The following EPHA6 variants were observed in gnomAD, a reference collection of about 807,000 sequenced individuals.
EPHA6 encodes EPH receptor A6, also known as ephrin type-A receptor 6.
EPHA6 carries 50 observed loss-of-function variants against 112.0 expected under a neutral mutation model. That is an observed-to-expected ratio of 0.45 (90% confidence interval 0.36 to 0.56). The LOEUF (loss-of-function observed/expected upper bound fraction) is 0.56. EPHA6 is among the 20% of genes least tolerant of loss of function. The probability of loss-of-function intolerance (pLI) is 0.00; values close to 1 mark genes in which losing one functional copy is unlikely to be tolerated. For missense variants in EPHA6, 1,280 were observed against 1,417.4 expected, an observed-to-expected ratio of 0.90 and a Z score of 1.56; for synonymous variants, 529 against 490.7, an observed-to-expected ratio of 1.08 and a Z score of -1.03.
At chr3:97,351,195 G>A (rs1403557001) in intron 5 of EPHA6, among the ~76,000 whole-genome samples, 1 of 152,148 alleles carries the variant, frequency 6.6e-6, no homozygotes, top group Non-Finnish European at 1.5e-5. Context: ...TTGATACAGT[G>A]GAAATGGGCT....
chr3:97,068,647 G>C (rs2046256465), intron 3 of EPHA6, among the ~76,000 whole-genome samples: 2 of 151,746 alleles, frequency 1.3e-5, no homozygotes, highest in Admixed American at 6.6e-5. Context: ...CGTTGCAATG[G>C]ACTGAATGTT....
intron 3 of EPHA6, among the ~76,000 whole-genome samples, chr3:97,183,704 T>C (rs185942460): frequency 7.8e-4 from 119 of 152,250 alleles, no homozygotes; most frequent in African/African-American, 2.6e-3. Context: ...GTGTGTGGTG[T>C]GTGGGTGTGC....
At position 97,025,659 on chromosome 3, in the gene EPHA6, G is replaced by A. The variant is rs60167473; in HGVS notation, c.1114+37666G>A. The stretch of plus-strand genomic sequence containing the variant: ...GCTAGTGTGCAGTGGCGCGATCTCC[G>A]CTCACTGCAACCTCTGCCTCCTGGG... On this transcript the variant is annotated intron_variant, in intron 3 of 17. Transcript: ENST00000389672. Among the ~76,000 whole-genome samples, 680 of 152,186 alleles carry A rather than the reference G, an allele frequency of 4.5e-3. 6 individuals carry two copies. Among genetic ancestry groups the A allele is most frequent in the African/African-American group, 0.016 (654 of 41,542 alleles).
chr3:97,154,069 G>A (rs1160190776), intron 3 of EPHA6, among the ~76,000 whole-genome samples: 3 of 149,382 alleles, frequency 2.0e-5, no homozygotes, highest in African/African-American at 7.4e-5. Flanking sequence ...GGAGGCTGAG[G>A]CAGGAGAATC....
chr3:97,557,895 C>T (rs1007188488), intron 11 of EPHA6, among the ~76,000 whole-genome samples: 1 of 151,752 alleles, frequency 6.6e-6, no homozygotes, highest in African/African-American at 2.4e-5. Flanking sequence ...TAAGAATTCT[C>T]ATCACACATT....
At chr3:97,521,384 G>A (rs550697910) in intron 10 of EPHA6, among the ~76,000 whole-genome samples, 1 of 152,092 alleles carries the variant, frequency 6.6e-6, no homozygotes, top group Admixed American at 6.5e-5. Flanking sequence ...ATTCATAAAG[G>A]AAAGTGGTTT....
intron 11 of EPHA6, among the ~76,000 whole-genome samples, chr3:97,542,905 G>T (rs1255950312): frequency 1.3e-5 from 2 of 152,166 alleles, no homozygotes; most frequent in South Asian, 2.1e-4. Context: ...TGTGAGAAGT[G>T]TCTGTTCATA....
intron 5 of EPHA6, among the ~76,000 whole-genome samples, chr3:97,282,473 A>G (rs937541790): frequency 6.6e-6 from 1 of 152,182 alleles, no homozygotes; most frequent in Non-Finnish European, 1.5e-5. Flanking sequence ...TGACCCAGCA[A>G]TCCCGTTACT....
chr3:96,847,500 A>T (rs973695282), intron 1 of EPHA6, among the ~76,000 whole-genome samples: 5 of 152,076 alleles, frequency 3.3e-5, no homozygotes, highest in African/African-American at 1.2e-4. Context: ...AAATAAAGTA[A>T]TGTTTCTCTT....
At chr3:97,566,778 C>A (rs1262280698) in intron 11 of EPHA6, among the ~76,000 whole-genome samples, 1 of 152,114 alleles carries the variant, frequency 6.6e-6, no homozygotes, top group Non-Finnish European at 1.5e-5. Context: ...GCTTTACTAT[C>A]CGGTGAGCTT....
chr3:96,836,861 G>GTT (rs2034445393), intron 1 of EPHA6, among the ~76,000 whole-genome samples: 1 of 152,138 alleles, frequency 6.6e-6, no homozygotes, highest in African/African-American at 2.4e-5. Flanking sequence ...AAAGGGGAAA[G>GTT]TAAGTCTACC....
At chr3:97,248,697 C>G (rs899776018) in intron 5 of EPHA6, among the ~76,000 whole-genome samples, 6 of 152,052 alleles carry the variant, frequency 3.9e-5, no homozygotes, top group African/African-American at 7.2e-5. Context: ...ATAGGCCTGC[C>G]TTAGGCCCAC....
intron 4 of EPHA6, among the ~76,000 whole-genome samples, chr3:97,239,270 A>G (rs935467464): frequency 5.3e-5 from 8 of 151,960 alleles, no homozygotes; most frequent in African/African-American, 1.9e-4. Context: ...TAGGAAGGCA[A>G]TAATCAGTTA....
intron 6 of EPHA6, among the ~76,000 whole-genome samples, chr3:97,426,507 C>A (rs1237594669): frequency 6.6e-6 from 1 of 152,070 alleles, no homozygotes; most frequent in Non-Finnish European, 1.5e-5. Context: ...GGGACACAGC[C>A]AAACCATGTC....
intron 10 of EPHA6, among the ~76,000 whole-genome samples, chr3:97,490,084 A>G (rs1041703603): frequency 1.3e-5 from 2 of 152,108 alleles, no homozygotes; most frequent in African/African-American, 4.8e-5. Flanking sequence ...TGTTTAATAA[A>G]TAAATAAAAT....
intron 14 of EPHA6, among the ~76,000 whole-genome samples, chr3:97,706,756 A>G (rs1012607463): frequency 1.3e-5 from 2 of 149,254 alleles, no homozygotes; most frequent in Non-Finnish European, 3.0e-5. Flanking sequence ...TCACACAGCC[A>G]TCCCAAAGAA....
intron 3 of EPHA6, among the ~76,000 whole-genome samples, chr3:97,203,051 C>T (rs1170616651): frequency 1.4e-4 from 22 of 152,106 alleles, no homozygotes. Context: ...ACAGAACTGC[C>T]CAACTGCCCT....
chr3:96,847,420 A>G (rs539691085), intron 1 of EPHA6, among the ~76,000 whole-genome samples: 1 of 152,154 alleles, frequency 6.6e-6, no homozygotes, highest in South Asian at 2.1e-4. Context: ...TGGTAGGATG[A>G]TCCAAAGAGA....
chr3:97,324,360 A>G (rs2082263002), intron 5 of EPHA6, among the ~76,000 whole-genome samples: 2 of 146,754 alleles, frequency 1.4e-5, no homozygotes, highest in South Asian at 4.3e-4. Context: ...TATGCATATC[A>G]TTTTTTCCCT....
Sources: gnomAD v4.1 joint callset for allele counts (sites outside exome capture counted in the v4.1 genomes callset) on GRCh38, gnomAD v4.1.1 for gene constraint, MANE v1.5 for transcripts, NCBI Gene and HGNC (gene_info 2026-07-23, HGNC 2026-07-21) for gene names.